The following DAGLB variants were observed in gnomAD, a reference collection of about 807,000 sequenced individuals.
DAGLB encodes diacylglycerol lipase beta, also known as diacylglycerol lipase-beta.
DAGLB carries 66 observed loss-of-function variants against 72.1 expected under a neutral mutation model. The observed-to-expected ratio is 0.92, with a 90% CI of 0.75 to 1.12. The LOEUF (loss-of-function observed/expected upper bound fraction) is 1.12. Among genes scored for constraint, DAGLB ranks in the 50% most tolerant of loss-of-function variants. The pLI is 0.00. For synonymous variants in DAGLB, 414 were observed against 359.5 expected (o/e 1.15, Z -1.71); for missense variants, 1,065 against 884.9 (o/e 1.20, Z -2.58).
At chr7:6,419,084 T>TC (rs1784022790) in intron 9 of DAGLB, among the ~76,000 whole-genome samples, 1 of 148,358 alleles carries the variant, frequency 6.7e-6, no homozygotes, top group Non-Finnish European at 1.5e-5. Context: ...GCACTTCCTT[T>TC]TTTTTTTTTT....
intron 13 of DAGLB, among the ~76,000 whole-genome samples, chr7:6,412,061 C>G (rs926962901): frequency 2.0e-5 from 3 of 152,024 alleles, no homozygotes; most frequent in Non-Finnish European, 4.4e-5. Flanking sequence ...ATTACAGGCA[C>G]TCACCACCAC....
At chr7:6,425,241 G>A (rs780483266) in intron 7 of DAGLB, among the ~76,000 whole-genome samples, 9 of 152,170 alleles carry the variant, frequency 5.9e-5, no homozygotes, top group Non-Finnish European at 1.3e-4. Context: ...GACAGCGAGC[G>A]ACACTGAACA....
At chr7:6,413,519 A>T (rs1004202085) in intron 11 of DAGLB, among the ~76,000 whole-genome samples, 1 of 151,920 alleles carries the variant, frequency 6.6e-6, no homozygotes, top group African/African-American at 2.4e-5. Flanking sequence ...AGTCCCAGCT[A>T]CTCAGGAGGC....
At chr7:6,437,163 ATAATAATAAT>A (rs1784689998) in intron 2 of DAGLB, among the ~76,000 whole-genome samples, 4 of 136,780 alleles carry the variant, frequency 2.9e-5, no homozygotes, top group Non-Finnish European at 6.3e-5. Flanking sequence ...CAAAATAATA[ATAATAATAAT>A]AATAATAATA....
At position 6,409,732 on chromosome 7, in the gene DAGLB, T is replaced by G; in HGVS notation, c.*105A>C. 1 of 1,281,960 alleles carries G rather than the reference T, an allele frequency of 7.8e-7. No individual in the cohort carries two copies. The allele number at this position is 1,281,960 out of a possible 1,614,324, so 79.4% of individuals were successfully genotyped here. On this transcript the variant is annotated 3_prime_UTR_variant, in exon 15 of 15. Transcript: ENST00000297056. Reference sequence around the variant, plus strand: ...TCTGTTCCCATCCGATTCCTGTTGATGGACATTCGCTGTTTTGGCGTCATG... The same window carrying G: ...TCTGTTCCCATCCGATTCCTGTTGAGGGACATTCGCTGTTTTGGCGTCATG...
intron 9 of DAGLB, among the ~76,000 whole-genome samples, chr7:6,420,682 C>T (rs538253892): frequency 2.0e-5 from 3 of 151,868 alleles, no homozygotes; most frequent in East Asian, 1.9e-4. Context: ...TATACACTAA[C>T]GACCAACGAA....
chr7:6,442,071 A>G (rs1784854258), intron 2 of DAGLB, among the ~76,000 whole-genome samples: 1 of 152,094 alleles, frequency 6.6e-6, no homozygotes, highest in South Asian at 2.1e-4. Context: ...CTAGAGGGGC[A>G]AGGAAGCACT....
intron 2 of DAGLB, among the ~76,000 whole-genome samples, chr7:6,441,985 G>A (rs1035603707): frequency 8.6e-5 from 13 of 151,998 alleles, no homozygotes; most frequent in Non-Finnish European, 1.8e-4. Context: ...TGCCCTGTAT[G>A]TCAGCTTGCC....
At chr7:6,414,050 T>C (rs13237316) in intron 11 of DAGLB, among the ~76,000 whole-genome samples, 1 of 152,096 alleles carries the variant, frequency 6.6e-6, no homozygotes, top group Non-Finnish European at 1.5e-5. Flanking sequence ...TCGCTCTGTC[T>C]CCCAGGCTGG....
intron 2 of DAGLB, among the ~76,000 whole-genome samples, chr7:6,443,326 G>A (rs1315897786): frequency 6.6e-6 from 1 of 150,720 alleles, no homozygotes; most frequent in African/African-American, 2.4e-5. Context: ...GGTGGCACGT[G>A]CCTGTAATCT....
At chr7:6,425,550 G>A (rs1784282489) in intron 7 of DAGLB, among the ~76,000 whole-genome samples, 1 of 152,046 alleles carries the variant, frequency 6.6e-6, no homozygotes, top group Non-Finnish European at 1.5e-5. Context: ...GATTACAGGC[G>A]TGAGCCACTG....
In DAGLB at chr7:6,409,461, G is replaced by C. The variant is rs1226095723; in HGVS notation, c.*376C>G. 2 of 215,810 alleles carry C rather than the reference G, an allele frequency of 9.3e-6. No individual in the cohort carries two copies. The highest frequency in any genetic ancestry group is 8.0e-5 in the South Asian group (1 of 12,548). 13.4% of individuals were successfully genotyped at this position (215,810 alleles called of 1,614,324 possible). On this transcript the variant is annotated 3_prime_UTR_variant, in exon 15 of 15. Coordinates refer to ENST00000297056, the MANE Select transcript of DAGLB (RefSeq NM_139179.4). ...GCCTGTAAACTGAGTTGGATGAAAA[G>C]AGCTGCCTTGGGGGTGGGAGGCTAA...
At chr7:6,415,726 TC>T (rs1263067716) in intron 11 of DAGLB, among the ~76,000 whole-genome samples, 68 of 151,310 alleles carry the variant, frequency 4.5e-4, no homozygotes, top group African/African-American at 1.5e-3. Flanking sequence ...GCGCCTGTAG[TC>T]CCAGCTACTC....
intron 8 of DAGLB, chr7:6,422,097 G>A (rs372181997): frequency 2.6e-5 from 12 of 469,972 alleles, no homozygotes; most frequent in African/African-American, 1.4e-4. Flanking sequence ...TAAGGACCCC[G>A]TGGCACAGAA....
At chr7:6,414,877 A>G (rs1456152745) in intron 11 of DAGLB, among the ~76,000 whole-genome samples, 1 of 152,188 alleles carries the variant, frequency 6.6e-6, no homozygotes, top group Non-Finnish European at 1.5e-5. Flanking sequence ...TTGAGAAAGC[A>G]AGAAAATGAG....
intron 2 of DAGLB, among the ~76,000 whole-genome samples, chr7:6,442,928 C>A (rs934909457): frequency 6.6e-6 from 1 of 151,340 alleles, no homozygotes; most frequent in Non-Finnish European, 1.5e-5. Flanking sequence ...AATCCCAGCA[C>A]TTTGGGAGGC....
rs2115303300 is a variant in DAGLB at position 6,446,054 on chromosome 7, C to T, written c.146G>A (p.Cys49Tyr). 1.2e-6 allele frequency: 2 copies of T among 1,612,972 alleles called. No homozygotes were observed. Among genetic ancestry groups the T allele is most frequent in the Non-Finnish European group, 8.5e-7 (1 of 1,179,762 alleles). The change falls in exon 2 of 15, where the codon TGT (cysteine) becomes TAT (tyrosine). Residue 49 changes from cysteine to tyrosine, a missense_variant. Coordinates refer to ENST00000297056, the MANE Select transcript of DAGLB (RefSeq NM_139179.4). ...ACTGCTGAGCAAGGCTCCACCAGCA[C>T]AGTCCAGCTTTCCTCTGTGCATGAG... ...LYLMHRGKLD[C>Y]AGGALLSSYL...
chr7:6,433,074 G>C (rs1267724341), intron 4 of DAGLB, 115 bp from the exon 5 acceptor site: 3 of 1,430,216 alleles, frequency 2.1e-6, no homozygotes, highest in Middle Eastern at 2.6e-4. Flanking sequence ...GACATTTCTA[G>C]ACACAGAGGT....
In DAGLB at chr7:6,436,477, G is replaced by C. The variant is rs1312415627; in HGVS notation, c.304C>G (p.Leu102Val). The change falls in exon 3 of 15, where the codon CTG becomes GTG. Residue 102 changes from leucine to valine, a missense_variant. Transcript: ENST00000297056. ...KSMSKLLYIR[L>V]ALFFPEMVWA... ...ACCATCTCTGGAAAAAACAGCGCCA[G>C]GCGGATGTAAAGCAGCTTAGACATA... 6.2e-7 allele frequency: 1 copy of C among 1,614,150 alleles called. No homozygotes were observed.
Sources: allele counts gnomAD v4.1 joint callset (sites outside exome capture counted in the v4.1 genomes callset), GRCh38; gene constraint gnomAD v4.1.1; transcripts MANE v1.5; gene names NCBI Gene and HGNC (gene_info 2026-07-23, HGNC 2026-07-21).